Variants in RIMKLB observed in about 807,000 individuals in gnomAD.
RIMKLB encodes ribosomal modification protein rimK like family member B.
In RIMKLB, 7 loss-of-function variants were observed where a neutral mutation model predicts 32.0. The observed-to-expected ratio is 0.22, with a 90% CI of 0.12 to 0.41. The LOEUF is 0.41. RIMKLB is among the 10% of genes least tolerant of loss of function. The pLI, the probability that RIMKLB is intolerant of heterozygous loss-of-function variation, is 1.00. For missense variants in RIMKLB, 289 were observed against 498.7 expected, an observed-to-expected ratio of 0.58 and a Z score of 4.00; for synonymous variants, 172 against 185.1, an observed-to-expected ratio of 0.93 and a Z score of 0.57.
chr12:8,775,830 G>A lies in RIMKLB; in HGVS notation c.*2046G>A. ...TAAGAGGAGTTTGTAATTTATCTTA[G>A]GATATTCTAATTGCATTTAAAAGAA... On this transcript the variant is annotated 3_prime_UTR_variant, in exon 6 of 6. Coordinates refer to ENST00000535829, the MANE Select transcript of RIMKLB (RefSeq NM_001297776.2). 1 of 984,656 alleles carries A rather than the reference G, an allele frequency of 1.0e-6. No homozygotes were observed. The highest frequency in any genetic ancestry group is 1.2e-6 in the Non-Finnish European group (1 of 829,232). 61.0% of individuals were successfully genotyped at this position (984,656 alleles called of 1,614,324 possible). A position where few individuals can be genotyped will look rare whatever the true frequency, so the allele number is the denominator to read the frequency against.
intron 1 of RIMKLB, among the ~76,000 whole-genome samples, chr12:8,711,623 C>T (rs1782849329): frequency 6.6e-6 from 1 of 151,974 alleles, no homozygotes; most frequent in African/African-American, 2.4e-5. Context: ...CACCCACTAA[C>T]TCATCATCTA....
intron 5 of RIMKLB, among the ~76,000 whole-genome samples, chr12:8,766,509 C>T (rs1181070290): frequency 6.6e-6 from 1 of 152,126 alleles, no homozygotes; most frequent in East Asian, 1.9e-4. Context: ...CCTTTTGAGT[C>T]GGGATTGAGA....
intron 5 of RIMKLB, among the ~76,000 whole-genome samples, chr12:8,772,395 A>G (rs1425885497): frequency 1.1e-4 from 17 of 152,126 alleles, no homozygotes; most frequent in Admixed American, 4.6e-4. Context: ...TCTTTCATCA[A>G]AGTCATAGAT....
chr12:8,694,387 A>ATTTTTTTTT (rs769859426), upstream of RIMKLB, among the ~76,000 whole-genome samples: 117 of 119,060 alleles, frequency 9.8e-4, 10 homozygotes, highest in African/African-American at 3.5e-3. Context: ...ATCCTGTTGA[A>ATTTTTTTTT]TTTTTTTTCT....
Position 8,775,707 on chromosome 12 carries a change from AAAT to A in RIMKLB, c.*1928_*1930del, listed in dbSNP as rs894445447. On this transcript the variant is annotated 3_prime_UTR_variant, in exon 6 of 6. Transcript: ENST00000535829. Reference sequence around the variant, plus strand: ...TAAAATTTGTTTTTTCCATAGAATTAAATAATATTAAAATTGAGTGAAAGGTTG... The same window carrying A: ...TAAAATTTGTTTTTTCCATAGAATTAAATATTAAAATTGAGTGAAAGGTTG... 9.2e-6 allele frequency: 9 copies of A among 983,462 alleles called. No individual in the cohort carries two copies. Among genetic ancestry groups the A allele is most frequent in the Non-Finnish European group, 7.2e-6 (6 of 827,870 alleles). 60.9% of individuals were successfully genotyped at this position (983,462 alleles called of 1,614,324 possible).
At chr12:8,757,294 G>A (rs1949122739) in intron 5 of RIMKLB, among the ~76,000 whole-genome samples, 1 of 151,996 alleles carries the variant, frequency 6.6e-6, no homozygotes, top group African/African-American at 2.4e-5. Flanking sequence ...TTGGGATGCC[G>A]AGGCAAGAGA....
At chr12:8,676,382 C>CTTTTTTTTTTT in the RIMKLB span, among the ~76,000 whole-genome samples, 2 of 37,338 alleles carry the variant, frequency 5.4e-5, no homozygotes, top group African/African-American at 1.1e-4. Context: ...CCCCCAACAG[C>CTTTTTTTTTTT]TTTTTTTTTT....
At chr12:8,735,726 TTTGTC>T (rs1266596017) in intron 2 of RIMKLB, among the ~76,000 whole-genome samples, 6 of 142,712 alleles carry the variant, frequency 4.2e-5, no homozygotes, top group African/African-American at 1.8e-4. Context: ...CGTTTTTTTT[TTTGTC>T]TGTCTGTTTG....
Position 8,713,793 on chromosome 12 carries a change from A to G in RIMKLB, c.-56-18A>G, listed in dbSNP as rs776237337. 9.8e-6 allele frequency: 14 copies of G among 1,434,968 alleles called. No homozygotes were observed. Among genetic ancestry groups the G allele is most frequent in the Admixed American group, 3.4e-5 (2 of 58,902 alleles). 88.9% of individuals were successfully genotyped at this position (1,434,968 alleles called of 1,614,324 possible). On this transcript the variant is annotated intron_variant, in intron 1 of 5. Coordinates refer to ENST00000535829, the MANE Select transcript of RIMKLB (RefSeq NM_001297776.2). ...ATTTCTTGATTTACCTTTTATGTAT[A>G]TTTTTTCTTCCATCTAGGTAGACGT...
At chr12:8,761,291 A>T (rs994519666) in intron 5 of RIMKLB, among the ~76,000 whole-genome samples, 1 of 150,852 alleles carries the variant, frequency 6.6e-6, no homozygotes. Context: ...AAAAAAAAAA[A>T]GAATTTGTTT....
chr12:8,781,575 C>T (rs370810314), downstream of RIMKLB, among the ~76,000 whole-genome samples: 23 of 152,270 alleles, frequency 1.5e-4, no homozygotes, highest in African/African-American at 5.5e-4. Context: ...TTCCCCTGTT[C>T]CTCTATCTCT....
At chr12:8,731,084 C>G (rs1304168751) in intron 2 of RIMKLB, among the ~76,000 whole-genome samples, 2 of 147,164 alleles carry the variant, frequency 1.4e-5, no homozygotes, top group African/African-American at 2.6e-5. Flanking sequence ...TGCTGTAGAC[C>G]TTTCACTGTT....
At chr12:8,705,704 G>T (rs912664310) in intron 1 of RIMKLB, among the ~76,000 whole-genome samples, 2 of 152,078 alleles carry the variant, frequency 1.3e-5, no homozygotes, top group Admixed American at 1.3e-4. Context: ...TAAGCATTTA[G>T]CTTATGATTG....
chr12:8,777,215 C>CTTTATTT, downstream of RIMKLB: 1 of 700,078 alleles, frequency 1.4e-6, no homozygotes, highest in Non-Finnish European at 1.6e-6. Context: ...TGCTTGCTTT[C>CTTTATTT]TTTTTTTTTT....
chr12:8,774,330 T>G lies in RIMKLB; in HGVS notation c.*546T>G, dbSNP rs1201148184. 3.0e-6 allele frequency: 3 copies of G among 985,728 alleles called. No homozygotes were observed. Among genetic ancestry groups the G allele is most frequent in the African/African-American group, 1.7e-5 (1 of 57,236 alleles). The allele number at this position is 985,728 out of a possible 1,614,324, so 61.1% of individuals were successfully genotyped here. On this transcript the variant is annotated 3_prime_UTR_variant, in exon 6 of 6. Coordinates refer to ENST00000535829, the MANE Select transcript of RIMKLB (RefSeq NM_001297776.2). ...GGGCTCTTTTACTGGGATTTCTTAT[T>G]TTTTTGTTTTTTCCCGCTTAATTTG...
rs1439709623 is a variant in RIMKLB at position 8,773,770 on chromosome 12, C to T, written c.1147C>T (p.Leu383=). 6.2e-7 allele frequency: 1 copy of T among 1,612,548 alleles called. No homozygotes were observed. The highest frequency in any genetic ancestry group is 1.7e-5 in the Admixed American group (1 of 59,992). Residue 383 remains leucine (L), a synonymous_variant, in exon 6 of 6, where the codon CTA becomes TTA. Coordinates refer to ENST00000535829, the MANE Select transcript of RIMKLB (RefSeq NM_001297776.2). ...MNQLLANEIK[L]LVD is the part of the protein sequence containing the mutation. ...CCAGCTGCTAGCCAATGAAATCAAA[C>T]TACTGGTGGACTGACTCCACTGGTA...
At chr12:8,749,799 T>C in intron 2 of RIMKLB, 63 bp from the exon 3 acceptor site, 2 of 1,056,898 alleles carry the variant, frequency 1.9e-6, no homozygotes, top group South Asian at 1.5e-5. Flanking sequence ...GGCGTATTAC[T>C]ATTCCTCTAT....
intron 1 of RIMKLB, among the ~76,000 whole-genome samples, chr12:8,688,801 AAAT>A (rs1480601357): frequency 6.6e-6 from 1 of 152,118 alleles, no homozygotes; most frequent in African/African-American, 2.4e-5. Context: ...TGTGTGATTA[AAAT>A]AATGTGTGAA....
chr12:8,715,809 C>G (rs560305655), intron 2 of RIMKLB, among the ~76,000 whole-genome samples: 3 of 152,156 alleles, frequency 2.0e-5, no homozygotes, highest in Non-Finnish European at 4.4e-5. Context: ...AAAGTTATAA[C>G]TGGTAAGTTA....
Sources: allele counts gnomAD v4.1 joint callset (sites outside exome capture counted in the v4.1 genomes callset), GRCh38; gene constraint gnomAD v4.1.1; transcripts MANE v1.5; gene names NCBI Gene and HGNC (gene_info 2026-07-23, HGNC 2026-07-21).